The following PARL variants were observed in gnomAD, a reference collection of about 807,000 sequenced individuals.
PARL encodes presenilin associated rhomboid like.
In PARL, 44 loss-of-function variants were observed where a neutral mutation model predicts 51.6. The observed-to-expected ratio is 0.85, with a 90% CI of 0.67 to 1.10. The LOEUF is 1.10. Among genes scored for constraint, PARL ranks in the 50% least tolerant of loss-of-function variants. The pLI is 0.00. For synonymous variants in PARL, 172 were observed against 164.0 expected (o/e 1.05, Z -0.37); for missense variants, 441 against 469.5 (o/e 0.94, Z 0.56).
At position 183,839,759 on chromosome 3, in the gene PARL, G is replaced by T. The variant is rs954331400; in HGVS notation, c.828+811C>A. Among the ~76,000 whole-genome samples, 5 of 151,406 alleles carry T rather than the reference G, an allele frequency of 3.3e-5. No homozygotes were observed. The East Asian group carries it at 7.7e-4, about 23-fold the overall frequency. On this transcript the variant is annotated intron_variant, in intron 7 of 9. Transcript: ENST00000317096. ...AAAAAAATTTTTTTTTTGAGATAGG[G>T]TCTTGCTATGTCACCCAGGCTGGGG...
At chr3:183,864,179 A>T (rs1030612025) in intron 3 of PARL, among the ~76,000 whole-genome samples, 1 of 152,242 alleles carries the variant, frequency 6.6e-6, no homozygotes, top group Non-Finnish European at 1.5e-5. Context: ...TCTCTAACAC[A>T]GATAGGGCTC....
At chr3:183,839,016 T>G (rs532394578) in intron 7 of PARL, among the ~76,000 whole-genome samples, 7 of 152,290 alleles carry the variant, frequency 4.6e-5, no homozygotes, top group African/African-American at 1.7e-4. Flanking sequence ...ATATATTAGG[T>G]GCTTAGCTGT....
At chr3:183,828,514 A>G (rs930896317), downstream of PARL, among the ~76,000 whole-genome samples, 1 of 152,256 alleles carries the variant, frequency 6.6e-6, no homozygotes, top group Non-Finnish European at 1.5e-5. Flanking sequence ...CCTGGGAAGA[A>G]TAACTGTAAA....
intron 4 of PARL, among the ~76,000 whole-genome samples, chr3:183,858,118 A>C (rs1731375397): frequency 6.6e-6 from 1 of 152,242 alleles, no homozygotes; most frequent in Non-Finnish European, 1.5e-5. Flanking sequence ...TCAAGGATTA[A>C]CTTTGCTATT....
chr3:183,882,332 TATATACAC>T (rs1734639994), intron 1 of PARL, among the ~76,000 whole-genome samples: 1 of 142,542 alleles, frequency 7.0e-6, no homozygotes, highest in South Asian at 2.2e-4. Context: ...TATATACACA[TATATACAC>T]ACACATATAT....
rs577326275 is a variant in PARL, at chr3:183,883,498, A to C, written c.125+1224T>G. 6 of 550,952 alleles carry C rather than the reference A, an allele frequency of 1.1e-5. No individual in the cohort carries two copies. The East Asian group carries it at 7.3e-4, about 67-fold the overall frequency. The allele number at this position is 550,952 out of a possible 1,614,324, so 34.1% of individuals were successfully genotyped here. A position where few individuals can be genotyped will look rare whatever the true frequency, so the allele number is the denominator to read the frequency against. On this transcript the variant is annotated intron_variant, in intron 1 of 9. Transcript: ENST00000317096. ...TTGGCCAGGCTGGTCTTGAACTCCT[A>C]ACTTCAGGTGATCCACCTGCCTCAG...
intron 1 of PARL, chr3:183,883,715 A>G: frequency 1.0e-6 from 1 of 984,158 alleles, no homozygotes; most frequent in Non-Finnish European, 1.2e-6. Context: ...CAATGTATGT[A>G]AAGTTTTCAC....
intron 7 of PARL, among the ~76,000 whole-genome samples, chr3:183,836,923 T>C (rs1255048003): frequency 4.6e-5 from 7 of 152,084 alleles, no homozygotes; most frequent in Non-Finnish European, 1.0e-4. Flanking sequence ...GTATTTTTAG[T>C]AGAGATGGGG....
chr3:183,883,561 C>G, intron 1 of PARL: 1 of 983,436 alleles, frequency 1.0e-6, no homozygotes, highest in Non-Finnish European at 1.2e-6. Flanking sequence ...TGTGAGCCAC[C>G]ACGCCCGGCC....
At chr3:183,838,274 T>G (rs574145933) in intron 7 of PARL, among the ~76,000 whole-genome samples, 1 of 152,184 alleles carries the variant, frequency 6.6e-6, no homozygotes, top group South Asian at 2.1e-4. Context: ...GTGATCTTCC[T>G]GCCGTGGCTC....
chr3:183,864,542 C>T (rs755929349), intron 3 of PARL, among the ~76,000 whole-genome samples: 23 of 152,004 alleles, frequency 1.5e-4, no homozygotes, highest in Non-Finnish European at 2.6e-4. Flanking sequence ...TTTTGGAGGC[C>T]GAGGTGGGCA....
chr3:183,833,675 T>A (rs1271489520), intron 8 of PARL, 49 bp downstream of exon 8: 4 of 1,463,442 alleles, frequency 2.7e-6, no homozygotes, highest in Non-Finnish European at 3.8e-6. Flanking sequence ...CCACTCAACA[T>A]AAAAACATCA....
intron 9 of PARL, among the ~76,000 whole-genome samples, chr3:183,833,102 G>A (rs745900978): frequency 3.3e-5 from 5 of 152,214 alleles, no homozygotes; most frequent in South Asian, 2.1e-4. Context: ...TAGCACTGGC[G>A]AGACAGAGGT....
intron 9 of PARL, 24 bp from the exon 10 acceptor site, chr3:183,829,733 G>A (rs752502225): frequency 1.2e-5 from 19 of 1,582,310 alleles, no homozygotes; most frequent in African/African-American, 4.0e-5. Flanking sequence ...AACCAGGTCC[G>A]ACATTCAAAC....
At chr3:183,847,885 G>A (rs1373413111) in intron 4 of PARL, among the ~76,000 whole-genome samples, 1 of 152,172 alleles carries the variant, frequency 6.6e-6, no homozygotes, top group Non-Finnish European at 1.5e-5. Context: ...TTTCCTTTGA[G>A]AAATAGAAGA....
intron 4 of PARL, chr3:183,846,489 C>G: frequency 1.0e-6 from 1 of 957,928 alleles, no homozygotes; most frequent in Non-Finnish European, 1.2e-6. Context: ...GGGAAACTGT[C>G]TCAAAAAAAA....
At position 183,829,387 on chromosome 3, in the gene PARL, T is replaced by C; in HGVS notation, c.*211A>G. On this transcript the variant is annotated 3_prime_UTR_variant, in exon 10 of 10. Coordinates refer to ENST00000317096, the MANE Select transcript of PARL (RefSeq NM_018622.7). ...CCCTTAAAGAGAGAACACACACATC[T>C]GCTTACAAACTAGATAGAAACCTTT... is the stretch of plus-strand genomic sequence containing the variant. The C allele has an allele frequency of 6.8e-7, 1 of 1,469,442 alleles. No individual in the cohort carries two copies. Among genetic ancestry groups the C allele is most frequent in the Non-Finnish European group, 9.0e-7 (1 of 1,114,474 alleles). 91.0% of individuals were successfully genotyped at this position (1,469,442 alleles called of 1,614,324 possible).
intron 3 of PARL, 71 bp from the exon 4 acceptor site, chr3:183,862,872 A>C: frequency 3.4e-6 from 4 of 1,182,964 alleles, no homozygotes; most frequent in Non-Finnish European, 5.1e-6. Flanking sequence ...AACCAGAAGA[A>C]AATGCCTCGC....
intron 4 of PARL, among the ~76,000 whole-genome samples, chr3:183,857,755 G>C (rs1469919921): frequency 1.3e-5 from 2 of 152,100 alleles, no homozygotes; most frequent in Non-Finnish European, 2.9e-5. Flanking sequence ...AGTCAAAAAG[G>C]GCTCCCTTTC....
Sources: gnomAD v4.1 joint callset for allele counts (sites outside exome capture counted in the v4.1 genomes callset) on GRCh38, gnomAD v4.1.1 for gene constraint, MANE v1.5 for transcripts, NCBI Gene and HGNC (gene_info 2026-07-23, HGNC 2026-07-21) for gene names.